Variants in GALNT18 observed in about 807,000 individuals in gnomAD.
GALNT18 encodes GalNAc-transferase 18.
In GALNT18, 44 loss-of-function variants were observed where a neutral mutation model predicts 69.5. That is an observed-to-expected ratio of 0.63 (90% CI 0.50 to 0.81). GALNT18 has a LOEUF of 0.81. Ranked by LOEUF, GALNT18 falls within the 40% of genes least tolerant of loss-of-function variation. The pLI is 0.00. For synonymous variants in GALNT18, 364 were observed against 318.2 expected (o/e 1.14, Z -1.53); for missense variants, 715 against 810.0 (o/e 0.88, Z 1.42).
intron 10 of GALNT18, among the ~76,000 whole-genome samples, chr11:11,273,478 A>T (rs1376475868): frequency 6.6e-6 from 1 of 152,216 alleles, no homozygotes; most frequent in African/African-American, 2.4e-5. Flanking sequence ...GAGAAAAGTA[A>T]GCAAAAACTA....
At chr11:11,329,686 C>T (rs1394667134) in intron 8 of GALNT18, among the ~76,000 whole-genome samples, 5 of 152,206 alleles carry the variant, frequency 3.3e-5, no homozygotes. Context: ...GGGTCTCAGT[C>T]TCACTGTATA....
chr11:11,411,899 T>G (rs2133758008), intron 3 of GALNT18, among the ~76,000 whole-genome samples: 1 of 152,316 alleles, frequency 6.6e-6, no homozygotes, highest in Non-Finnish European at 1.5e-5. Context: ...GCTGGAATTT[T>G]TAGACACCCA....
chr11:11,451,466 T>C (rs1206200005), intron 1 of GALNT18, among the ~76,000 whole-genome samples: 3 of 152,216 alleles, frequency 2.0e-5, no homozygotes, highest in African/African-American at 7.2e-5. Context: ...TGACACCACA[T>C]GGTCCTACCT....
chr11:11,286,632 TAA>T (rs1266647733), intron 10 of GALNT18, among the ~76,000 whole-genome samples: 1 of 152,120 alleles, frequency 6.6e-6, no homozygotes, highest in Non-Finnish European at 1.5e-5. Context: ...TGAATTTTTT[TAA>T]AAAGACTCCT....
At chr11:11,572,612 C>T (rs1858819261) in intron 1 of GALNT18, among the ~76,000 whole-genome samples, 1 of 152,060 alleles carries the variant, frequency 6.6e-6, no homozygotes, top group Non-Finnish European at 1.5e-5. Context: ...TGCTATGTCC[C>T]TCTCTGACAG....
chr11:11,288,023 C>T (rs1377722667), intron 10 of GALNT18, among the ~76,000 whole-genome samples: 3 of 152,184 alleles, frequency 2.0e-5, no homozygotes, highest in East Asian at 1.9e-4. Context: ...GACAATGAAA[C>T]AGTTTCCTCC....
chr11:11,482,315 C>T (rs371176500), intron 1 of GALNT18, among the ~76,000 whole-genome samples: 127 of 152,378 alleles, frequency 8.3e-4, no homozygotes, highest in African/African-American at 2.9e-3. Flanking sequence ...TGGCTCTGCC[C>T]TAGAGCTGTG....
chr11:11,484,193 C>T (rs1455961450), intron 1 of GALNT18, among the ~76,000 whole-genome samples: 6 of 152,160 alleles, frequency 3.9e-5, no homozygotes, highest in Non-Finnish European at 7.4e-5. Flanking sequence ...AGTCAGGCTG[C>T]TCATCCGAAC....
Position 11,383,305 on chromosome 11 carries a change from A to G in GALNT18, c.596-4041T>C, listed in dbSNP as rs564345044. ...TCATCTACCCCCTTCCACTGCTTCT[A>G]TAAGAAGTTGTTGGCTCCACAACCA... On this transcript the variant is annotated intron_variant, in intron 3 of 10. Coordinates refer to ENST00000227756, the MANE Select transcript of GALNT18 (RefSeq NM_198516.3). This position sits in a 1 kb window ranked among gnomAD's most constrained non-coding sequence, Gnocchi z 5.2. 6.6e-6 allele frequency among the ~76,000 whole-genome samples: 1 copy of G among 152,316 alleles called. No individual in the cohort carries two copies. The highest frequency in any genetic ancestry group is 2.4e-5 in the African/African-American group (1 of 41,564).
chr11:11,279,978 A>AGG (rs1362232773), intron 10 of GALNT18, among the ~76,000 whole-genome samples: 1 of 152,160 alleles, frequency 6.6e-6, no homozygotes, highest in Non-Finnish European at 1.5e-5. Context: ...ACTGAGAAGC[A>AGG]GGGGGTGCGG....
chr11:11,427,335 G>A (rs1855156144), intron 3 of GALNT18, among the ~76,000 whole-genome samples: 1 of 152,174 alleles, frequency 6.6e-6, no homozygotes, highest in Non-Finnish European at 1.5e-5. Context: ...CTGTTCCTTT[G>A]CCCTGTTCCT....
chr11:11,357,171 C>T (rs996531727), intron 6 of GALNT18, among the ~76,000 whole-genome samples: 1 of 152,146 alleles, frequency 6.6e-6, no homozygotes, highest in Non-Finnish European at 1.5e-5. Flanking sequence ...TCAGAGGCCT[C>T]AGGTTGCTCC....
At chr11:11,323,828 C>A (rs1849874869) in intron 9 of GALNT18, among the ~76,000 whole-genome samples, 1 of 152,208 alleles carries the variant, frequency 6.6e-6, no homozygotes, top group Non-Finnish European at 1.5e-5. Context: ...GTTGAAATGA[C>A]TGGCAAAGTC....
At chr11:11,365,461 G>GTACA (rs1215675825) in intron 6 of GALNT18, among the ~76,000 whole-genome samples, 1 of 152,132 alleles carries the variant, frequency 6.6e-6, no homozygotes, top group Admixed American at 6.6e-5. Flanking sequence ...AAACATACAT[G>GTACA]TACATGAGTC....
At chr11:11,566,203 TA>T (rs1370944440) in intron 1 of GALNT18, among the ~76,000 whole-genome samples, 3 of 152,196 alleles carry the variant, frequency 2.0e-5, no homozygotes, top group Admixed American at 1.3e-4. Context: ...AAGAGTCAAA[TA>T]GTAAAATATT....
rs1310727049 is a variant in GALNT18 at position 11,306,235 on chromosome 11, A to ATG, written c.1513-13044_1513-13043dup. 1.1e-4 allele frequency among the ~76,000 whole-genome samples: 16 copies of ATG among 151,550 alleles called. No homozygotes were observed. The South Asian group carries it at 1.7e-3, about 16-fold the overall frequency. ...TGTCTGTGTGTGCATGTGTGTGTGTATGTGTGTGTGTGTGCATGCATGTGC... is the reference window on the plus strand; with the variant it reads ...TGTCTGTGTGTGCATGTGTGTGTGTATGTGTGTGTGTGTGTGCATGCATGTGC... On this transcript the variant is annotated intron_variant, in intron 9 of 10. Transcript: ENST00000227756.
rs1013274432 is a variant in GALNT18, at chr11:11,605,308, A to G, written c.235+16051T>C. Reference sequence around the variant, plus strand: ...GACACCTGGGCCATCTCCTCAAGGGATTTCCACAGGCAAGCAAGAAACACC... The same window carrying G: ...GACACCTGGGCCATCTCCTCAAGGGGTTTCCACAGGCAAGCAAGAAACACC... On this transcript the variant is annotated intron_variant, in intron 1 of 10. Transcript: ENST00000227756. The surrounding 1 kb of genome is among the most constrained non-coding windows in gnomAD (Gnocchi z 4.7). 6.6e-6 allele frequency among the ~76,000 whole-genome samples: 1 copy of G among 152,002 alleles called. No individual in the cohort carries two copies. The highest frequency in any genetic ancestry group is 1.5e-5 in the Non-Finnish European group (1 of 67,986).
At chr11:11,324,380 C>G (rs1293717560) in intron 9 of GALNT18, among the ~76,000 whole-genome samples, 1 of 152,210 alleles carries the variant, frequency 6.6e-6, no homozygotes, top group Non-Finnish European at 1.5e-5. Context: ...ATTCATGATA[C>G]TTCCAAACTG....
chr11:11,279,242 A>G (rs1360212108), intron 10 of GALNT18, among the ~76,000 whole-genome samples: 2 of 152,228 alleles, frequency 1.3e-5, no homozygotes, highest in Non-Finnish European at 2.9e-5. Context: ...AGCCTGAAGA[A>G]TCATGAGCCA....
Sources: allele counts gnomAD v4.1 joint callset (sites outside exome capture counted in the v4.1 genomes callset), GRCh38; gene constraint gnomAD v4.1.1; non-coding constraint Gnocchi (gnomAD v3.1); transcripts MANE v1.5; gene names NCBI Gene and HGNC (gene_info 2026-07-23, HGNC 2026-07-21).